The following AFF3 variants were observed in gnomAD, a reference collection of about 807,000 sequenced individuals.
AFF3 encodes the protein AF4/FMR2 family member 3.
Under a neutral mutation model 129.7 loss-of-function variants are expected in AFF3, and 32 were observed. That is an observed-to-expected ratio of 0.25 (90% confidence interval 0.19 to 0.33). The LOEUF is 0.33. AFF3 is among the 10% of genes least tolerant of loss of function. The pLI is 1.00. For missense variants in AFF3, 1,373 were observed against 1,592.0 expected (o/e 0.86, Z 2.34); for synonymous variants, 644 against 635.4 (o/e 1.01, Z -0.20).
At chr2:100,009,270 T>C (rs1268883316) in intron 4 of AFF3, among the ~76,000 whole-genome samples, 1 of 152,016 alleles carries the variant, frequency 6.6e-6, no homozygotes, top group Non-Finnish European at 1.5e-5. Context: ...ATAGAAATTA[T>C]GAGCATATTT....
intron 8 of AFF3, among the ~76,000 whole-genome samples, chr2:99,760,204 T>C (rs1682462775): frequency 6.6e-6 from 1 of 152,204 alleles, no homozygotes; most frequent in Non-Finnish European, 1.5e-5. Context: ...AGAGAATATA[T>C]GGGGAAGAGT....
intron 7 of AFF3, among the ~76,000 whole-genome samples, chr2:100,002,411 T>C (rs1681504758): frequency 6.6e-6 from 1 of 152,206 alleles, no homozygotes; most frequent in African/African-American, 2.4e-5. Flanking sequence ...GCTTCATCTT[T>C]CTATTCTTTT....
chr2:99,979,302 C>A (rs1407367227), intron 7 of AFF3, among the ~76,000 whole-genome samples: 1 of 151,894 alleles, frequency 6.6e-6, no homozygotes, highest in Non-Finnish European at 1.5e-5. Flanking sequence ...TGAGAGGCAG[C>A]CTGTGAGATG....
At chr2:99,996,527 ATTT>A (rs756231548) in intron 7 of AFF3, among the ~76,000 whole-genome samples, 1 of 114,086 alleles carries the variant, frequency 8.8e-6, no homozygotes, top group African/African-American at 3.9e-5. Context: ...CGCCCGGCTA[ATTT>A]TTTTTTTTTT....
At chr2:99,740,627 G>A (rs1680644647) in intron 10 of AFF3, among the ~76,000 whole-genome samples, 1 of 151,950 alleles carries the variant, frequency 6.6e-6, no homozygotes, top group Non-Finnish European at 1.5e-5. Flanking sequence ...AGAAGTGTCT[G>A]TTCATGTCCT....
At chr2:100,131,061 A>G (rs1050761829) in intron 1 of AFF3, among the ~76,000 whole-genome samples, 1 of 152,174 alleles carries the variant, frequency 6.6e-6, no homozygotes, top group Non-Finnish European at 1.5e-5. Flanking sequence ...ACTTAAAACA[A>G]CAAAAAAGAT....
chr2:99,830,580 C>A (rs1265243585), intron 8 of AFF3, among the ~76,000 whole-genome samples: 1 of 152,110 alleles, frequency 6.6e-6, no homozygotes, highest in Non-Finnish European at 1.5e-5. Context: ...GGTGAAAACC[C>A]TTCTGTACTA....
intron 7 of AFF3, among the ~76,000 whole-genome samples, chr2:99,971,637 T>C (rs577767748): frequency 6.6e-6 from 1 of 152,352 alleles, no homozygotes; most frequent in African/African-American, 2.4e-5. Context: ...TGACTGAGCA[T>C]GTAGTTTTGA....
intron 7 of AFF3, among the ~76,000 whole-genome samples, chr2:99,892,424 T>G (rs1041423839): frequency 3.9e-5 from 6 of 152,246 alleles, no homozygotes; most frequent in African/African-American, 1.4e-4. Flanking sequence ...GTCAGATAAC[T>G]CCAAAAGCAA....
At chr2:100,037,968 T>C (rs925751965) in intron 4 of AFF3, among the ~76,000 whole-genome samples, 1 of 151,112 alleles carries the variant, frequency 6.6e-6, no homozygotes, top group African/African-American at 2.4e-5. Flanking sequence ...TGTTTTGGAA[T>C]TATTGGATTT....
intron 20 of AFF3, among the ~76,000 whole-genome samples, chr2:99,562,900 G>A (rs753993981): frequency 7.9e-5 from 12 of 152,166 alleles, no homozygotes; most frequent in Non-Finnish European, 1.5e-4. Context: ...TGCCACCGGG[G>A]CTTCAGCTCA....
intron 10 of AFF3, among the ~76,000 whole-genome samples, chr2:99,736,608 ATT>A (rs11399049): frequency 3.0e-4 from 38 of 125,668 alleles, no homozygotes; most frequent in African/African-American, 8.3e-4. Context: ...TAAATTACTG[ATT>A]TTTTTTTTTT....
intron 7 of AFF3, among the ~76,000 whole-genome samples, chr2:99,890,939 T>C (rs1019630093): frequency 5.3e-5 from 8 of 152,196 alleles, no homozygotes; most frequent in Non-Finnish European, 8.8e-5. Flanking sequence ...TAATTATTCA[T>C]GTGTGGTGAG....
At chr2:100,086,944 G>T (rs983306638) in intron 4 of AFF3, among the ~76,000 whole-genome samples, 3 of 152,260 alleles carry the variant, frequency 2.0e-5, no homozygotes, top group Non-Finnish European at 4.4e-5. Flanking sequence ...ATGAGAAAAT[G>T]AAGCTTTGGA....
At chr2:99,942,086 A>G (rs540621124) in intron 7 of AFF3, among the ~76,000 whole-genome samples, 2 of 152,326 alleles carry the variant, frequency 1.3e-5, no homozygotes, top group East Asian at 3.9e-4. Context: ...AGGCAGCCGC[A>G]GTCATCCCTT....
chr2:100,035,511 T>A (rs1210789954), intron 4 of AFF3, among the ~76,000 whole-genome samples: 1 of 152,212 alleles, frequency 6.6e-6, no homozygotes, highest in Non-Finnish European at 1.5e-5. Context: ...ACTTTTTTGA[T>A]CAGCCTTAGC....
intron 7 of AFF3, among the ~76,000 whole-genome samples, chr2:99,854,222 G>A (rs1690355393): frequency 7.0e-6 from 1 of 142,578 alleles, no homozygotes; most frequent in African/African-American, 2.6e-5. Flanking sequence ...TATAAATGAA[G>A]TTATAAATGT....
At chr2:100,048,685 T>C (rs1261476732) in intron 4 of AFF3, among the ~76,000 whole-genome samples, 2 of 152,212 alleles carry the variant, frequency 1.3e-5, no homozygotes, top group African/African-American at 4.8e-5. Context: ...CCGTTTTTGT[T>C]CCAAATACTG....
chr2:99,738,234 T>C (rs1175857547), intron 10 of AFF3, among the ~76,000 whole-genome samples: 1 of 152,126 alleles, frequency 6.6e-6, no homozygotes, highest in Non-Finnish European at 1.5e-5. Context: ...TCTGTTATTA[T>C]TCATTCCTCT....
Sources: allele counts gnomAD v4.1 joint callset (sites outside exome capture counted in the v4.1 genomes callset), GRCh38; gene constraint gnomAD v4.1.1; transcripts MANE v1.5; gene names NCBI Gene and HGNC (gene_info 2026-07-23, HGNC 2026-07-21).